Variants in EGR4 observed in about 807,000 individuals in gnomAD.
EGR4 encodes the protein early growth response 4, also known as early growth response protein 4.
A neutral mutation model predicts 25.4 loss-of-function variants in EGR4; 22 were observed. The ratio of observed to expected loss-of-function variants is 0.87; its 90% CI spans 0.62 to 1.24. The LOEUF is 1.24. EGR4 is among the 50% of genes most tolerant of loss of function. The pLI is 0.00. For synonymous variants in EGR4, 375 were observed against 320.1 expected (o/e 1.17, Z -1.83); for missense variants, 742 against 702.9 (o/e 1.06, Z -0.63).
Position 73,293,293 on chromosome 2 carries a change from C to A in EGR4, c.25G>T (p.Glu9Ter). 2 of 1,589,412 alleles carry A rather than the reference C, an allele frequency of 1.3e-6. No homozygotes were observed. Among genetic ancestry groups the A allele is most frequent in the African/African-American group, 1.4e-5 (1 of 73,998 alleles). MLHLSEFS[E>*]PDALLVKSTE... ...GACTTGACGAGGAGCGCGTCGGGTT[C>A]GGAAAACTCGCTAAGGTGGAGCATG... Residue 9 changes from glutamate (E) to a stop codon, truncating the protein, a stop_gained, in exon 1 of 2, where the codon GAA (glutamate) becomes TAA (stop). Coordinates refer to ENST00000436467, the MANE Select transcript of EGR4 (RefSeq NM_001965.4). LOFTEE classifies it high-confidence loss of function.
chr2:73,292,903 T>A (rs573319292), intron 1 of EGR4, 122 bp from the exon 2 acceptor site: 1 of 1,178,834 alleles, frequency 8.5e-7, no homozygotes, highest in South Asian at 3.3e-5. Flanking sequence ...ACATTCTGAT[T>A]CAGCAGGGGC....
In EGR4 at chr2:73,291,817, G is replaced by A; in HGVS notation, c.1101C>T (p.Ser367=). The A allele has an allele frequency of 6.3e-7, 1 of 1,590,652 alleles. No individual in the cohort carries two copies. The highest frequency in any genetic ancestry group is 8.5e-7 in the Non-Finnish European group (1 of 1,173,724). ...GCGGCCGCGGGCAGAAGCAGCGCGT[G>A]CTGCATTTGCCGCCGCGGCGCCCCT... ...RRKGRRGGKC[S]TRCFCPRPHA... is the part of the protein sequence containing the mutation. Residue 367 remains serine (S), a synonymous_variant, in exon 2 of 2, where the codon AGC becomes AGT. Transcript: ENST00000436467.
chr2:73,293,370 C>T lies in EGR4; in HGVS notation c.-53G>A, dbSNP rs776189552. On this transcript the variant is annotated 5_prime_UTR_variant, in exon 1 of 2. Coordinates refer to ENST00000436467, the MANE Select transcript of EGR4 (RefSeq NM_001965.4). ...GGGCCTCGCCCGCTGGGCTTGGGGGCGCGCGGGTGGCGGGGAGGCTGGCGG... is the reference window on the plus strand; with the variant it reads ...GGGCCTCGCCCGCTGGGCTTGGGGGTGCGCGGGTGGCGGGGAGGCTGGCGG... 3.3e-6 allele frequency: 5 copies of T among 1,503,504 alleles called. No homozygotes were observed. Among genetic ancestry groups the T allele is most frequent in the East Asian group, 2.6e-5 (1 of 38,078 alleles). 93.1% of individuals were successfully genotyped at this position (1,503,504 alleles called of 1,614,324 possible). A position where few individuals can be genotyped will look rare whatever the true frequency, so the allele number is the denominator to read the frequency against.
chr2:73,291,210 G>C lies in EGR4; in HGVS notation c.*247C>G, dbSNP rs529916035. On this transcript the variant is annotated 3_prime_UTR_variant, in exon 2 of 2. Transcript: ENST00000436467. The stretch of plus-strand genomic sequence containing the variant: ...ATCCCAGGGTAGTGCCTATTCACTG[G>C]GTGGTCTCAGAAGACTTCCCCCAAA... 12 of 560,246 alleles carry C rather than the reference G, an allele frequency of 2.1e-5. No homozygotes were observed. The highest frequency in any genetic ancestry group is 3.8e-5 in the Non-Finnish European group (12 of 319,948). 34.7% of individuals were successfully genotyped at this position (560,246 alleles called of 1,614,324 possible).
rs1041166872 is a variant in EGR4, at chr2:73,292,510, G to C, written c.408C>G (p.Ala136=). Residue 136 remains alanine (A), a synonymous_variant, in exon 2 of 2, where the codon GCC becomes GCG. Coordinates refer to ENST00000436467, the MANE Select transcript of EGR4 (RefSeq NM_001965.4). The part of the protein sequence containing the change: ...LDAPFPAGSD[A]LLPGPPDLYS... ...AAAGGTCCGGCGGACCCGGCAGCAA[G>C]GCATCGGACCCCGCAGGAAAAGGGG... 2 of 1,517,742 alleles carry C rather than the reference G, an allele frequency of 1.3e-6. No homozygotes were observed. Among genetic ancestry groups the C allele is most frequent in the East Asian group, 4.6e-5 (2 of 43,370 alleles). 94.0% of individuals were successfully genotyped at this position (1,517,742 alleles called of 1,614,324 possible). A position where few individuals can be genotyped will look rare whatever the true frequency, so the allele number is the denominator to read the frequency against.
rs1436159745 is a variant in EGR4, at chr2:73,292,332, C to G, written c.586G>C (p.Asp196His). 1.3e-6 allele frequency: 2 copies of G among 1,587,862 alleles called. No homozygotes were observed. The highest frequency in any genetic ancestry group is 1.7e-6 in the Non-Finnish European group (2 of 1,166,442). ...LRAPPASPAL[D>H]AVSAFKGPYA... ...GGACCCTTGAAGGCAGAGACAGCGTCCAGCGCTGGCGAGGCGGGAGGCGCC... is the reference window on the plus strand; with the variant it reads ...GGACCCTTGAAGGCAGAGACAGCGTGCAGCGCTGGCGAGGCGGGAGGCGCC... The change falls in exon 2 of 2, where the codon GAC becomes CAC. Residue 196 changes from aspartate to histidine, a missense_variant. Transcript: ENST00000436467.
rs781461659 is a variant in EGR4 at position 73,292,117 on chromosome 2, G to A, written c.801C>T (p.Asp267=). The change falls in exon 2 of 2, where the codon GAC becomes GAT. Residue 267 remains aspartate (D), a synonymous_variant. Coordinates refer to ENST00000436467, the MANE Select transcript of EGR4 (RefSeq NM_001965.4). ...AGTCACCCGGGGCCAGCGGGAAAGC[G>A]TCATAGGCCCCGCTGGGATAGAGTC... The part of the protein sequence containing the change: ...ANRLYPSGAY[D]AFPLAPGDLG... 5 of 1,602,668 alleles carry A rather than the reference G, an allele frequency of 3.1e-6. No homozygotes were observed. The South Asian group carries it at 3.4e-5, about 11-fold the overall frequency.
Position 73,291,414 on chromosome 2 carries a change from C to T in EGR4, c.*43G>A, listed in dbSNP as rs1387647590. On this transcript the variant is annotated 3_prime_UTR_variant, in exon 2 of 2. Coordinates refer to ENST00000436467, the MANE Select transcript of EGR4 (RefSeq NM_001965.4). ...GGAGGGGAACGGCCCGGAACTCGTG[C>T]GCGCCGAACGGCGGCGCCCCAACCC... is the stretch of plus-strand genomic sequence containing the variant. The T allele has an allele frequency of 4.6e-6, 7 of 1,531,026 alleles. No homozygotes were observed. Among genetic ancestry groups the T allele is most frequent in the South Asian group, 2.6e-5 (2 of 77,058 alleles). The allele number at this position is 1,531,026 out of a possible 1,614,324, so 94.8% of individuals were successfully genotyped here. A position where few individuals can be genotyped will look rare whatever the true frequency, so the allele number is the denominator to read the frequency against.
Position 73,292,086 on chromosome 2 carries a change from C to T in EGR4, c.832G>A (p.Glu278Lys), listed in dbSNP as rs1689117574. ...AFPLAPGDLG[E>K]GAEGLPGLLT... ...AGCCCAGGGAGGCCCTCAGCCCCCT[C>T]CCCTAAGTCACCCGGGGCCAGCGGG... Residue 278 changes from glutamate (E) to lysine (K), a missense_variant, in exon 2 of 2, where the codon GAG becomes AAG. Transcript: ENST00000436467. 1 of 1,610,608 alleles carries T rather than the reference C, an allele frequency of 6.2e-7. No individual in the cohort carries two copies. The highest frequency in any genetic ancestry group is 8.5e-7 in the Non-Finnish European group (1 of 1,178,706).
Position 73,291,860 on chromosome 2 carries a change from TG to T in EGR4, c.1057del (p.Gln353ArgfsTer219). ...GCGCCCCTTGCGTCGCGCCTTGGCC[TG>T]GGGGAAAGGGGTGGGCGGCGGCGGC... ...VPPPPPTPFP[Q>X]AKARRKGRRG... On this transcript the variant is annotated frameshift_variant, in exon 2 of 2. Transcript: ENST00000436467. LOFTEE classifies it high-confidence loss of function. The T allele has an allele frequency of 1.3e-6, 2 of 1,580,862 alleles. No homozygotes were observed. The highest frequency in any genetic ancestry group is 8.6e-7 in the Non-Finnish European group (1 of 1,168,526).
At chr2:73,293,085 T>A in intron 1 of EGR4, 97 bp downstream of exon 1, 1 of 1,237,040 alleles carries the variant, frequency 8.1e-7, no homozygotes, top group Non-Finnish European at 1.1e-6. Context: ...GCCCCTATTC[T>A]CATAGCTCCA....
Position 73,291,136 on chromosome 2 carries a change from T to A in EGR4, c.*321A>T. 3.1e-6 allele frequency: 1 copy of A among 324,992 alleles called. No individual in the cohort carries two copies. Among genetic ancestry groups the A allele is most frequent in the Non-Finnish European group, 5.6e-6 (1 of 177,432 alleles). The allele number at this position is 324,992 out of a possible 1,614,324, so 20.1% of individuals were successfully genotyped here. A position where few individuals can be genotyped will look rare whatever the true frequency, so the allele number is the denominator to read the frequency against. ...CGCTGCCCCAGCCTGTCTCTGGGGG[T>A]TATAGAGGAAGGCGTGGGGCGTGTG... On this transcript the variant is annotated 3_prime_UTR_variant, in exon 2 of 2. Coordinates refer to ENST00000436467, the MANE Select transcript of EGR4 (RefSeq NM_001965.4).
chr2:73,292,057 C>G lies in EGR4; in HGVS notation c.861G>C (p.Leu287=), dbSNP rs555239970. ...GEGAEGLPGL[L]TPPSGEGGSS... is the part of the protein sequence containing the mutation. ...TCCCTCCCTCCCCACTAGGAGGGGT[C>G]AGGAGCCCAGGGAGGCCCTCAGCCC... is the stretch of plus-strand genomic sequence containing the variant. Residue 287 remains leucine (L), a synonymous_variant, in exon 2 of 2, where the codon CTG becomes CTC. Coordinates refer to ENST00000436467, the MANE Select transcript of EGR4 (RefSeq NM_001965.4). 1.1e-5 allele frequency: 17 copies of G among 1,610,480 alleles called. No individual in the cohort carries two copies. The South Asian group carries it at 1.4e-4, about 14-fold the overall frequency.
In EGR4 at chr2:73,292,261, A is replaced by C; in HGVS notation, c.657T>G (p.Cys219Trp). ...ELLSVGAPGN[C>W]GSQGDYQAAP... ...CGGCCTGGTAGTCTCCCTGTGACCC[A>C]CAGTTCCCTGGGGCCCCCACAGAAA... Residue 219 changes from cysteine to tryptophan, a missense_variant, in exon 2 of 2, where the codon TGT (cysteine) becomes TGG (tryptophan). Cys to Trp is a radical substitution (Grantham distance 215). Transcript: ENST00000436467. The C allele has an allele frequency of 6.2e-6, 10 of 1,611,746 alleles. No individual in the cohort carries two copies. Among genetic ancestry groups the C allele is most frequent in the Non-Finnish European group, 8.5e-6 (10 of 1,179,016 alleles).
rs1180275495 is a variant in EGR4 at position 73,291,344 on chromosome 2, G to C, written c.*113C>G. 4.8e-6 allele frequency: 7 copies of C among 1,446,448 alleles called. No homozygotes were observed. Among genetic ancestry groups the C allele is most frequent in the Non-Finnish European group, 5.5e-6 (6 of 1,083,128 alleles). The allele number at this position is 1,446,448 out of a possible 1,614,324, so 89.6% of individuals were successfully genotyped here. Reference sequence around the variant, plus strand: ...TTCAAGGAAACTGGAAGCGGGACCGGAGGCCGGCCCTCGGGCGTGCGAGGA... The same window carrying C: ...TTCAAGGAAACTGGAAGCGGGACCGCAGGCCGGCCCTCGGGCGTGCGAGGA... On this transcript the variant is annotated 3_prime_UTR_variant, in exon 2 of 2. Transcript: ENST00000436467.
chr2:73,293,191 A>T lies in EGR4; in HGVS notation c.127T>A (p.Tyr43Asn), dbSNP rs1400820297. 5.2e-6 allele frequency: 8 copies of T among 1,537,992 alleles called. No individual in the cohort carries two copies. Among genetic ancestry groups the T allele is most frequent in the Non-Finnish European group, 7.0e-6 (8 of 1,140,944 alleles). ...TGCTCGCCCTCCTTACCTCCAGGGT[A>T]GCCGGTGGCCGCGGGAGCGTCCCTG... ...PARDAPAATG[Y>N]PGAGDFLSWA... Residue 43 changes from tyrosine to asparagine, a missense_variant, in exon 1 of 2, where the codon TAC becomes AAC. Tyr to Asn is a moderately radical substitution (Grantham distance 143). Coordinates refer to ENST00000436467, the MANE Select transcript of EGR4 (RefSeq NM_001965.4).
In EGR4 at chr2:73,293,538, C is replaced by A. The variant is rs1242875364; in HGVS notation, c.-221G>T. The A allele has an allele frequency of 5.3e-6, 8 of 1,505,244 alleles. No individual in the cohort carries two copies. The highest frequency in any genetic ancestry group is 7.1e-6 in the Non-Finnish European group (8 of 1,133,412). The allele number at this position is 1,505,244 out of a possible 1,614,324, so 93.2% of individuals were successfully genotyped here. On this transcript the variant is annotated 5_prime_UTR_variant, in exon 1 of 2. Coordinates refer to ENST00000436467, the MANE Select transcript of EGR4 (RefSeq NM_001965.4). ...GGCGGCTCCTCGCCTCTCCAAAGCG[C>A]TGCCGGGCTCCCCCAGCCCACAGCC... is the stretch of plus-strand genomic sequence containing the variant.
At position 73,291,383 on chromosome 2, in the gene EGR4, G is replaced by T; in HGVS notation, c.*74C>A. 6.6e-7 allele frequency: 1 copy of T among 1,514,900 alleles called. No homozygotes were observed. Among genetic ancestry groups the T allele is most frequent in the Non-Finnish European group, 8.8e-7 (1 of 1,134,678 alleles). The allele number at this position is 1,514,900 out of a possible 1,614,324, so 93.8% of individuals were successfully genotyped here. A position where few individuals can be genotyped will look rare whatever the true frequency, so the allele number is the denominator to read the frequency against. ...GGCGTGCGAGGAGGAGTTGGAAGAA[G>T]AGCGGGGAGGGGAACGGCCCGGAAC... On this transcript the variant is annotated 3_prime_UTR_variant, in exon 2 of 2. Coordinates refer to ENST00000436467, the MANE Select transcript of EGR4 (RefSeq NM_001965.4).
chr2:73,292,484 T>C lies in EGR4; in HGVS notation c.434A>G (p.Tyr145Cys). The C allele has an allele frequency of 6.6e-7, 1 of 1,515,046 alleles. No individual in the cohort carries two copies. Among genetic ancestry groups the C allele is most frequent in the Non-Finnish European group, 8.8e-7 (1 of 1,135,288 alleles). The allele number at this position is 1,515,046 out of a possible 1,614,324, so 93.9% of individuals were successfully genotyped here. A position where few individuals can be genotyped will look rare whatever the true frequency, so the allele number is the denominator to read the frequency against. Residue 145 changes from tyrosine (Y) to cysteine (C), a missense_variant, in exon 2 of 2, where the codon TAC becomes TGC. Coordinates refer to ENST00000436467, the MANE Select transcript of EGR4 (RefSeq NM_001965.4). ...DALLPGPPDL[Y>C]SPDLGAAPFP... ...AGGGGCAGCGCCCAGATCCGGGGAG[T>C]AAAGGTCCGGCGGACCCGGCAGCAA...
Sources: allele counts gnomAD v4.1 joint callset, GRCh38; gene constraint gnomAD v4.1.1; transcripts MANE v1.5; gene names NCBI Gene and HGNC (gene_info 2026-07-23, HGNC 2026-07-21).